SPECC1: variants seen among roughly 807,000 people sequenced by gnomAD.
SPECC1 encodes cytospin-B.
In SPECC1, 62 loss-of-function variants were observed where a neutral mutation model predicts 104.1. The ratio of observed to expected loss-of-function variants is 0.60; its 90% CI spans 0.49 to 0.74. The LOEUF is 0.74. Ranked by LOEUF, SPECC1 falls within the 30% of genes least tolerant of loss-of-function variation. The pLI is 0.00. For synonymous variants in SPECC1, 513 were observed against 501.6 expected (o/e 1.02, Z -0.30); for missense variants, 1,306 against 1,310.5 (o/e 1.00, Z 0.05).
intron 12 of SPECC1, among the ~76,000 whole-genome samples, chr17:20,286,781 A>T: frequency 6.6e-6 from 1 of 152,156 alleles, no homozygotes; most frequent in Non-Finnish European, 1.5e-5. Context: ...GGACCCACAG[A>T]CCTTGCCTAG....
At chr17:20,200,745 A>C (rs768547292) in intron 3 of SPECC1, among the ~76,000 whole-genome samples, 4 of 152,238 alleles carry the variant, frequency 2.6e-5, no homozygotes, top group Admixed American at 6.5e-5. Context: ...CTGGGCTCAC[A>C]TGGTGGGTGC....
intron 13 of SPECC1, among the ~76,000 whole-genome samples, chr17:20,298,948 A>AGAGAGTGTGTGT: frequency 0.014 from 705 of 49,012 alleles, 27 homozygotes; most frequent in African/African-American, 0.057. Context: ...AGAGAGAGAG[A>AGAGAGTGTGTGT]GTGTGTGTGT....
chr17:20,055,877 C>T (rs1297181843), intron 1 of SPECC1, among the ~76,000 whole-genome samples: 2 of 152,210 alleles, frequency 1.3e-5, no homozygotes, highest in African/African-American at 4.8e-5. Flanking sequence ...GGCTTGTGCT[C>T]AGCTGTTTCA....
intron 2 of SPECC1, among the ~76,000 whole-genome samples, chr17:20,101,591 C>CT (rs1046800744): frequency 5.9e-5 from 9 of 152,260 alleles, no homozygotes; most frequent in African/African-American, 2.2e-4. Context: ...GTAAATCCTC[C>CT]TTGTGGTATC....
rs1310265557 is a variant in SPECC1 at position 20,317,250 on chromosome 17, T to G, written c.*3185T>G. 7.5e-6 allele frequency: 1 copy of G among 133,944 alleles called. No individual in the cohort carries two copies. The highest frequency in any genetic ancestry group is 3.6e-5 in the African/African-American group (1 of 27,516). The allele number at this position is 133,944 out of a possible 1,614,324, so 8.3% of individuals were successfully genotyped here. On this transcript the variant is annotated 3_prime_UTR_variant, in exon 15 of 15. Coordinates refer to ENST00000395527, the MANE Select transcript of SPECC1 (RefSeq NM_001243439.2). ...GGCAACATGGCAAGACCTCTGACTC[T>G]ATAAAAAAATTTTTTTTTTTTTTTT...
rs1037842199 is a variant in SPECC1, at chr17:20,055,521, G to A, written c.-21-41110G>A. On this transcript the variant is annotated intron_variant, in intron 1 of 14. Transcript: ENST00000395527. ...GGTAATAGTCATCCTGACAATGTGC[G>A]TTCTGTTCATTTTAAGTCTCTAGCA... Among the ~76,000 whole-genome samples the A allele has an allele frequency of 4.6e-5, 7 of 152,162 alleles. No homozygotes were observed. The South Asian group carries it at 1.0e-3, about 23-fold the overall frequency.
intron 7 of SPECC1, among the ~76,000 whole-genome samples, chr17:20,241,490 C>T (rs2151520924): frequency 1.3e-5 from 2 of 152,306 alleles, no homozygotes; most frequent in East Asian, 1.9e-4. Context: ...TTTCCCATAT[C>T]TCCATTTTCT....
intron 1 of SPECC1, among the ~76,000 whole-genome samples, chr17:20,076,307 C>T (rs575485895): frequency 4.6e-5 from 7 of 152,298 alleles, no homozygotes; most frequent in East Asian, 3.9e-4. Flanking sequence ...TCAAACTATC[C>T]TCCCACCTCA....
At chr17:20,267,970 G>T (rs2040272709) in intron 12 of SPECC1, among the ~76,000 whole-genome samples, 1 of 152,080 alleles carries the variant, frequency 6.6e-6, no homozygotes, top group Non-Finnish European at 1.5e-5. Flanking sequence ...TGAGTCCTCT[G>T]TTACCTCCCA....
At chr17:20,199,808 G>T (rs1391224035) in intron 3 of SPECC1, among the ~76,000 whole-genome samples, 1 of 151,326 alleles carries the variant, frequency 6.6e-6, no homozygotes. Flanking sequence ...TTTATTTTTT[G>T]AGACAGAGTC....
At chr17:20,216,691 G>T (rs1049632729) in intron 4 of SPECC1, among the ~76,000 whole-genome samples, 2 of 152,130 alleles carry the variant, frequency 1.3e-5, no homozygotes, top group African/African-American at 4.8e-5. Context: ...ACCCTTCTTG[G>T]GAAGTTTGTT....
rs367893789 is a variant in SPECC1 at position 20,194,666 on chromosome 17, T to C, written c.284-9667T>C. On this transcript the variant is annotated intron_variant, in intron 3 of 14. Transcript: ENST00000395527. ...GGACTACAGGTGGCGCCACCACGCC[T>C]AGCTACTTTTTTGTATTTTAGTAGA... Among the ~76,000 whole-genome samples, 162 of 151,728 alleles carry C rather than the reference T, an allele frequency of 1.1e-3. No individual in the cohort carries two copies. In the South Asian group the frequency reaches 0.016, roughly 15 times the overall value.
chr17:20,150,065 C>T (rs772211283), intron 3 of SPECC1, among the ~76,000 whole-genome samples: 4 of 151,916 alleles, frequency 2.6e-5, no homozygotes, highest in Non-Finnish European at 5.9e-5. Context: ...CTCCGCCTCC[C>T]GGGTTCACAC....
At chr17:20,223,129 C>T (rs1433467454) in intron 4 of SPECC1, among the ~76,000 whole-genome samples, 2 of 151,998 alleles carry the variant, frequency 1.3e-5, no homozygotes, top group Non-Finnish European at 2.9e-5. Flanking sequence ...CTTTCTACCC[C>T]AATCTCTCTC....
chr17:20,111,689 C>G, intron 3 of SPECC1: 2 of 594,702 alleles, frequency 3.4e-6, no homozygotes, highest in Non-Finnish European at 6.2e-6. Context: ...GGTGTGTCCC[C>G]AAAAGCAGGA....
At chr17:20,168,387 A>G (rs948179721) in intron 3 of SPECC1, among the ~76,000 whole-genome samples, 2 of 152,216 alleles carry the variant, frequency 1.3e-5, no homozygotes, top group African/African-American at 4.8e-5. Context: ...TCAGTAATGC[A>G]TTTAATAAAA....
At chr17:20,032,534 T>G (rs908353257) in intron 1 of SPECC1, among the ~76,000 whole-genome samples, 2 of 152,200 alleles carry the variant, frequency 1.3e-5, no homozygotes, top group Non-Finnish European at 2.9e-5. Context: ...TTCTGCCAGT[T>G]CAAATATAGT....
At chr17:20,054,832 C>T (rs892986947) in intron 1 of SPECC1, among the ~76,000 whole-genome samples, 2 of 151,910 alleles carry the variant, frequency 1.3e-5, no homozygotes, top group African/African-American at 4.8e-5. Context: ...TTTGTATTTT[C>T]TGTAGAGACA....
At chr17:20,225,072 T>C (rs1023729944) in intron 4 of SPECC1, among the ~76,000 whole-genome samples, 3 of 152,106 alleles carry the variant, frequency 2.0e-5, no homozygotes, top group African/African-American at 7.2e-5. Flanking sequence ...AGGCTATGTC[T>C]AGAAATGTTA....
Sources: gnomAD v4.1 joint callset for allele counts (sites outside exome capture counted in the v4.1 genomes callset) on GRCh38, gnomAD v4.1.1 for gene constraint, MANE v1.5 for transcripts, NCBI Gene and HGNC (gene_info 2026-07-23, HGNC 2026-07-21) for gene names.